DCDC1: variants seen among roughly 807,000 people sequenced by gnomAD.
The protein encoded by DCDC1 is doublecortin domain containing 1, also known as doublecortin domain-containing protein 1.
A neutral mutation model predicts 178.3 loss-of-function variants in DCDC1; 200 were observed. The observed-to-expected ratio is 1.12, with a 90% confidence interval of 1.00 to 1.26. The LOEUF (loss-of-function observed/expected upper bound fraction) is 1.26. Ranked by LOEUF, DCDC1 falls within the 50% of genes most tolerant of loss-of-function variation. DCDC1 has a pLI of 0.00. For missense variants in DCDC1, 1,983 were observed against 1,749.2 expected, an observed-to-expected ratio of 1.13 and a Z score of -2.38; for synonymous variants, 690 against 604.8, an observed-to-expected ratio of 1.14 and a Z score of -2.07.
chr11:31,127,441 C>T (rs1057221584), intron 11 of DCDC1, 28 bp downstream of exon 11: 1 of 696,116 alleles, frequency 1.4e-6, no homozygotes, highest in African/African-American at 1.8e-5. Context: ...CTGGCTGAAT[C>T]CAATGAGAGG....
intron 9 of DCDC1, among the ~76,000 whole-genome samples, chr11:31,138,377 T>C (rs1963419347): frequency 6.6e-6 from 1 of 152,236 alleles, no homozygotes; most frequent in Non-Finnish European, 1.5e-5. Context: ...ATGTGGCCCA[T>C]TCTATATTTC....
chr11:31,333,641 T>A (rs189530556), intron 2 of DCDC1, among the ~76,000 whole-genome samples: 200 of 152,338 alleles, frequency 1.3e-3, no homozygotes, highest in Middle Eastern at 6.8e-3. Context: ...TTTATGAAGC[T>A]TAGTTTGGCT....
chr11:30,946,179 T>C (rs974023064), intron 21 of DCDC1, among the ~76,000 whole-genome samples: 4 of 152,166 alleles, frequency 2.6e-5, no homozygotes, highest in Admixed American at 1.3e-4. Flanking sequence ...TCTAAGGATA[T>C]TCCTCTTGCC....
chr11:31,294,808 AAGAAAGAAAGAAAGAAAG>A (rs1947532413), intron 6 of DCDC1, among the ~76,000 whole-genome samples: 2 of 50,716 alleles, frequency 3.9e-5, no homozygotes, highest in Non-Finnish European at 8.8e-5. Flanking sequence ...AAAAGAAAGA[AAGAAAGAAAGAAAGAAAG>A]AAAGAAAGAA....
chr11:31,061,964 T>C (rs1955946887), intron 20 of DCDC1, among the ~76,000 whole-genome samples: 2 of 152,062 alleles, frequency 1.3e-5, no homozygotes. Context: ...TTGCATTGCC[T>C]CAGGGAAGAA....
At chr11:31,359,805 C>A (rs1253042796) in intron 1 of DCDC1, among the ~76,000 whole-genome samples, 1 of 152,142 alleles carries the variant, frequency 6.6e-6, no homozygotes, top group Non-Finnish European at 1.5e-5. Context: ...CTCTAAAGTT[C>A]TCTGTCTCTA....
intron 3 of DCDC1, among the ~76,000 whole-genome samples, chr11:31,327,068 T>G (rs1473307958): frequency 3.3e-5 from 5 of 152,232 alleles, no homozygotes; most frequent in Admixed American, 1.3e-4. Context: ...ACTAGTTGTG[T>G]AAGCTTAGTC....
At chr11:31,034,956 T>C (rs1953927897) in intron 20 of DCDC1, among the ~76,000 whole-genome samples, 1 of 152,230 alleles carries the variant, frequency 6.6e-6, no homozygotes. Context: ...GTGATAAGAA[T>C]AATACATTTA....
intron 1 of DCDC1, among the ~76,000 whole-genome samples, chr11:31,360,424 T>C (rs536975561): frequency 2.6e-5 from 4 of 152,324 alleles, no homozygotes; most frequent in Non-Finnish European, 4.4e-5. Flanking sequence ...TGCCTAAAAG[T>C]GTATACAGTA....
At chr11:30,923,100 T>G (rs1946358577) in intron 23 of DCDC1, among the ~76,000 whole-genome samples, 1 of 152,136 alleles carries the variant, frequency 6.6e-6, no homozygotes, top group Non-Finnish European at 1.5e-5. Context: ...AATTAGAGAT[T>G]GGCGAACTAT....
rs561994715 is a variant in DCDC1, at chr11:31,093,978, C to T, written c.2118+72G>A. ...TGTATGCCCATGTGCATGAGAGCAC[C>T]AGGTGCCAGCAAGTGCCGTGAGCCA... is the stretch of plus-strand genomic sequence containing the variant. On this transcript the variant is annotated intron_variant, in intron 16 of 38. Transcript: ENST00000684477. 670 of 730,084 alleles carry T rather than the reference C, an allele frequency of 9.2e-4. 1 individual carries two copies. Among genetic ancestry groups the T allele is most frequent in the Non-Finnish European group, 1.5e-3 (591 of 398,312 alleles). The allele number at this position is 730,084 out of a possible 1,614,324, so 45.2% of individuals were successfully genotyped here.
At chr11:31,215,684 T>G (rs1973459320) in intron 9 of DCDC1, among the ~76,000 whole-genome samples, 1 of 151,622 alleles carries the variant, frequency 6.6e-6, no homozygotes. Context: ...TCCTAGCTAC[T>G]CGGGAGCCTG....
intron 20 of DCDC1, among the ~76,000 whole-genome samples, chr11:31,052,763 A>T (rs990286071): frequency 2.6e-5 from 4 of 152,192 alleles, no homozygotes; most frequent in African/African-American, 9.6e-5. Context: ...TCAAGATGGA[A>T]ATTTAAACAT....
chr11:31,230,441 T>C (rs1358880095), intron 9 of DCDC1, among the ~76,000 whole-genome samples: 2 of 151,544 alleles, frequency 1.3e-5, no homozygotes, highest in Non-Finnish European at 2.9e-5. Flanking sequence ...TGAGGGGTGG[T>C]TCACGCAGGC....
At chr11:31,304,819 T>C (rs1345280477) in intron 6 of DCDC1, among the ~76,000 whole-genome samples, 12 of 152,160 alleles carry the variant, frequency 7.9e-5, no homozygotes, top group African/African-American at 2.9e-4. Context: ...TGAATTTTTA[T>C]GGCAAAGTCC....
rs1945893394 is a variant in DCDC1, at chr11:30,917,046, C to CA, written c.3294-19dup. ...GTGAATCTCTATCAAGGTTCAGAAG[C>CA]AAACATAAGTCTAAGAAATCTCATT... On this transcript the variant is annotated intron_variant, in intron 25 of 38. Transcript: ENST00000684477. The CA allele has an allele frequency of 1.3e-6, 2 of 1,575,754 alleles. No homozygotes were observed. Among genetic ancestry groups the CA allele is most frequent in the Non-Finnish European group, 8.6e-7 (1 of 1,164,990 alleles).
chr11:31,253,054 C>A lies in DCDC1; in HGVS notation c.1055-11438G>T, dbSNP rs376645790. ...TACATTGAGTATCAAATATGAGAAT[C>A]TTCTAGCTTTTAAAGTTCTATAGAA... is the stretch of plus-strand genomic sequence containing the variant. On this transcript the variant is annotated intron_variant, in intron 8 of 38. Coordinates refer to ENST00000684477, the MANE Select transcript of DCDC1 (RefSeq NM_001387274.1). 5.9e-5 allele frequency among the ~76,000 whole-genome samples: 9 copies of A among 152,230 alleles called. 1 individual carries two copies. The East Asian group carries it at 9.7e-4, about 16-fold the overall frequency.
At chr11:30,932,222 A>G (rs1338417415) in intron 21 of DCDC1, among the ~76,000 whole-genome samples, 2 of 151,770 alleles carry the variant, frequency 1.3e-5, no homozygotes, top group East Asian at 1.9e-4. Context: ...TCGAAAAAAT[A>G]GAACCGAATG....
chr11:30,935,245 T>C (rs1236761271), intron 21 of DCDC1, among the ~76,000 whole-genome samples: 1 of 152,196 alleles, frequency 6.6e-6, no homozygotes, highest in African/African-American at 2.4e-5. Flanking sequence ...AATTGGGTAG[T>C]CCATCATACG....
Sources: allele counts gnomAD v4.1 joint callset (sites outside exome capture counted in the v4.1 genomes callset), GRCh38; gene constraint gnomAD v4.1.1; transcripts MANE v1.5; gene names NCBI Gene and HGNC (gene_info 2026-07-23, HGNC 2026-07-21).